Variants in SMAD2 observed in about 807,000 individuals in gnomAD.
SMAD2 encodes MAD homolog 2.
Under a neutral mutation model 64.4 loss-of-function variants are expected in SMAD2, and 8 were observed. The observed-to-expected ratio is 0.12, with a 90% CI of 0.07 to 0.22. SMAD2 has a LOEUF of 0.22. Among genes scored for constraint, SMAD2 ranks in the 10% least tolerant of loss-of-function variants. The probability of loss-of-function intolerance (pLI) is 1.00; values close to 1 mark genes in which losing one functional copy is unlikely to be tolerated. For synonymous variants in SMAD2, 203 were observed against 195.8 expected (o/e 1.04, Z -0.31); for missense variants, 289 against 561.2 (o/e 0.51, Z 4.90).
At chr18:47,870,246 A>T (rs1325401688) in intron 3 of SMAD2, among the ~76,000 whole-genome samples, 1 of 152,112 alleles carries the variant, frequency 6.6e-6, no homozygotes, top group East Asian at 1.9e-4. Flanking sequence ...TCTTTAGGGG[A>T]TACAGTAATT....
intron 7 of SMAD2, 76 bp from the exon 8 acceptor site, chr18:47,848,763 T>C: frequency 9.7e-7 from 1 of 1,031,770 alleles, no homozygotes; most frequent in Non-Finnish European, 1.4e-6. Flanking sequence ...AGATTTAATA[T>C]AATCATCTTT....
chr18:47,858,117 C>T (rs1037010820), intron 6 of SMAD2, among the ~76,000 whole-genome samples: 21 of 152,034 alleles, frequency 1.4e-4, no homozygotes, highest in African/African-American at 5.1e-4. Context: ...ACAACACCCA[C>T]TATCCAATTA....
chr18:47,847,494 C>T, intron 8 of SMAD2, among the ~76,000 whole-genome samples: 1 of 151,674 alleles, frequency 6.6e-6, no homozygotes, highest in South Asian at 2.1e-4. Flanking sequence ...CTGAGGACCC[C>T]AAAGAGCTTT....
At chr18:47,906,932 G>GATAATCCACCCA (rs2033928672) in intron 1 of SMAD2, among the ~76,000 whole-genome samples, 1 of 152,014 alleles carries the variant, frequency 6.6e-6, no homozygotes, top group Admixed American at 6.6e-5. Flanking sequence ...AGATAATCCA[G>GATAATCCACCCA]GATCATCTCT....
In SMAD2 at chr18:47,811,346, T is replaced by A. The variant is rs2144221248; in HGVS notation, c.*30481A>T. 6.6e-6 allele frequency: 1 copy of A among 151,888 alleles called. No homozygotes were observed. Among genetic ancestry groups the A allele is most frequent in the Non-Finnish European group, 1.5e-5 (1 of 68,068 alleles). The allele number at this position is 151,888 out of a possible 1,614,324, so 9.4% of individuals were successfully genotyped here. Reference sequence around the variant, plus strand: ...TTAGCCAGGCGTGGCGGCGTGCACCTATAGTCCCAGCTGCTGGGGAGGCTG... The same window carrying A: ...TTAGCCAGGCGTGGCGGCGTGCACCAATAGTCCCAGCTGCTGGGGAGGCTG... On this transcript the variant is annotated 3_prime_UTR_variant, in exon 11 of 11. Coordinates refer to ENST00000262160, the MANE Select transcript of SMAD2 (RefSeq NM_005901.6).
In SMAD2 at chr18:47,888,093, A is replaced by T. The variant is rs1404797648; in HGVS notation, c.236+8428T>A. ...TTTGGGGTAAATACCAGATTTGGTA[A>T]ATACCAGAACATTTCCTATTATAAC... is the stretch of plus-strand genomic sequence containing the variant. On this transcript the variant is annotated intron_variant, in intron 2 of 10. Coordinates refer to ENST00000262160, the MANE Select transcript of SMAD2 (RefSeq NM_005901.6). 3.3e-5 allele frequency among the ~76,000 whole-genome samples: 5 copies of T among 152,178 alleles called. 1 individual carries two copies. The highest frequency in any genetic ancestry group is 7.3e-5 in the Non-Finnish European group (5 of 68,038).
At position 47,841,825 on chromosome 18, in the gene SMAD2, C is replaced by T. The variant is rs1427996837; in HGVS notation, c.*2G>A. The T allele has an allele frequency of 1.2e-6, 2 of 1,614,112 alleles. No homozygotes were observed. Among genetic ancestry groups the T allele is most frequent in the Non-Finnish European group, 8.5e-7 (1 of 1,179,992 alleles). On this transcript the variant is annotated 3_prime_UTR_variant, in exon 11 of 11. Coordinates refer to ENST00000262160, the MANE Select transcript of SMAD2 (RefSeq NM_005901.6). ...TTTTCATGGGACTTGATTGGTGAAG[C>T]TTTATGACATGCTTGAGCAACGCAC...
In SMAD2 at chr18:47,826,409, A is replaced by G. The variant is rs1192193534; in HGVS notation, c.*15418T>C. The G allele has an allele frequency of 6.6e-6, 1 of 152,292 alleles. No homozygotes were observed. Among genetic ancestry groups the G allele is most frequent in the Non-Finnish European group, 1.5e-5 (1 of 68,058 alleles). The allele number at this position is 152,292 out of a possible 1,614,324, so 9.4% of individuals were successfully genotyped here. Reference sequence around the variant, plus strand: ...GTGCCTTTCCACACTGGGTTTAGCCATGTGGCTTGTTTCTGGTGAATGCTA... The same window carrying G: ...GTGCCTTTCCACACTGGGTTTAGCCGTGTGGCTTGTTTCTGGTGAATGCTA... On this transcript the variant is annotated 3_prime_UTR_variant, in exon 11 of 11. Coordinates refer to ENST00000262160, the MANE Select transcript of SMAD2 (RefSeq NM_005901.6).
chr18:47,828,376 G>A lies in SMAD2; in HGVS notation c.*13451C>T, dbSNP rs1289427392. On this transcript the variant is annotated 3_prime_UTR_variant, in exon 11 of 11. Coordinates refer to ENST00000262160, the MANE Select transcript of SMAD2 (RefSeq NM_005901.6). Reference sequence around the variant, plus strand: ...GGTGGGGGGGCGCCTCTGCCCAGCCGCCCCGTCTGGGAAGTGAGGAGCCCC... The same window carrying A: ...GGTGGGGGGGCGCCTCTGCCCAGCCACCCCGTCTGGGAAGTGAGGAGCCCC... 63 of 157,606 alleles carry A rather than the reference G, an allele frequency of 4.0e-4. No homozygotes were observed. The highest frequency in any genetic ancestry group is 4.9e-4 in the African/African-American group (20 of 40,680). 9.8% of individuals were successfully genotyped at this position (157,606 alleles called of 1,614,324 possible).
chr18:47,819,460 G>T lies in SMAD2; in HGVS notation c.*22367C>A, dbSNP rs1318436191. The T allele has an allele frequency of 6.6e-6, 1 of 152,164 alleles. No homozygotes were observed. The highest frequency in any genetic ancestry group is 2.4e-5 in the African/African-American group (1 of 41,444). The allele number at this position is 152,164 out of a possible 1,614,324, so 9.4% of individuals were successfully genotyped here. The stretch of plus-strand genomic sequence containing the variant: ...GGTTAACAGGAAAATAACTTGAAAT[G>T]ACTAGCTATGTCTAATATCTCAGTT... On this transcript the variant is annotated 3_prime_UTR_variant, in exon 11 of 11. Transcript: ENST00000262160.
intron 2 of SMAD2, among the ~76,000 whole-genome samples, chr18:47,871,605 C>T (rs1249022889): frequency 6.6e-6 from 1 of 152,106 alleles, no homozygotes; most frequent in Admixed American, 6.6e-5. Flanking sequence ...AGTGACCCGA[C>T]AGTTCAAAAC....
At position 47,840,665 on chromosome 18, in the gene SMAD2, G is replaced by A. The variant is rs932415014; in HGVS notation, c.*1162C>T. On this transcript the variant is annotated 3_prime_UTR_variant, in exon 11 of 11. Transcript: ENST00000262160. ...GCATCACTTTTCTAGGTATTTTGCA[G>A]AAACAATTACATTTACAAAAGGCCC... is the stretch of plus-strand genomic sequence containing the variant. The A allele has an allele frequency of 1.7e-5, 4 of 231,312 alleles. No homozygotes were observed. Among genetic ancestry groups the A allele is most frequent in the Non-Finnish European group, 3.4e-5 (4 of 116,972 alleles). The allele number at this position is 231,312 out of a possible 1,614,324, so 14.3% of individuals were successfully genotyped here. A position where few individuals can be genotyped will look rare whatever the true frequency, so the allele number is the denominator to read the frequency against.
intron 1 of SMAD2, chr18:47,922,667 A>AG (rs1765599209): frequency 6.6e-6 from 1 of 152,368 alleles, no homozygotes; most frequent in Non-Finnish European, 1.5e-5. Flanking sequence ...TACAAGGCAG[A>AG]GAAAAAAACA....
Position 47,837,118 on chromosome 18 carries a change from C to A in SMAD2, c.*4709G>T, listed in dbSNP as rs114829999. The A allele has an allele frequency of 1.2e-3, 245 of 202,300 alleles. No homozygotes were observed. Among genetic ancestry groups the A allele is most frequent in the African/African-American group, 5.4e-3 (236 of 43,720 alleles). The allele number at this position is 202,300 out of a possible 1,614,324, so 12.5% of individuals were successfully genotyped here. ...GCCAGTCACAAAGACATTTACTGAA[C>A]AGAATTTTTGAGCCATTTGTAAAAT... On this transcript the variant is annotated 3_prime_UTR_variant, in exon 11 of 11. Transcript: ENST00000262160.
rs1207774329 is a variant in SMAD2, at chr18:47,848,120, AAAAAC to A, written c.997+350_997+354del. On this transcript the variant is annotated intron_variant, in intron 8 of 10. Coordinates refer to ENST00000262160, the MANE Select transcript of SMAD2 (RefSeq NM_005901.6). ...CTATATAAAGAAACTGAAAAAAAAC[AAAAAC>A]AAAACAAAACAAAAAAACATGATTT... Among the ~76,000 whole-genome samples, 5 of 151,604 alleles carry A rather than the reference AAAAAC, an allele frequency of 3.3e-5. No individual in the cohort carries two copies. In the East Asian group the frequency reaches 5.8e-4, roughly 18 times the overall value.
chr18:47,828,782 A>C lies in SMAD2; in HGVS notation c.*13045T>G, dbSNP rs1296306835. On this transcript the variant is annotated 3_prime_UTR_variant, in exon 11 of 11. Transcript: ENST00000262160. ...ACTCCTTAATCTCAAGTACCCAGGG[A>C]CACAAACACTGCAGAAGGCCGCAGG... The C allele has an allele frequency of 5.5e-6, 1 of 181,770 alleles. No individual in the cohort carries two copies. The highest frequency in any genetic ancestry group is 1.1e-5 in the Non-Finnish European group (1 of 91,758). 11.3% of individuals were successfully genotyped at this position (181,770 alleles called of 1,614,324 possible).
intron 2 of SMAD2, among the ~76,000 whole-genome samples, chr18:47,884,118 T>A (rs1439546115): frequency 1.3e-5 from 2 of 152,210 alleles, no homozygotes; most frequent in Non-Finnish European, 2.9e-5. Context: ...CTTGGAAGCC[T>A]GCCATGCTCT....
chr18:47,889,547 G>A (rs565609462), intron 2 of SMAD2, among the ~76,000 whole-genome samples: 151 of 152,212 alleles, frequency 9.9e-4, no homozygotes, highest in African/African-American at 3.1e-3. Context: ...CGAGGTGGGC[G>A]GATCACGAGG....
chr18:47,885,340 A>G (rs996004470), intron 2 of SMAD2, among the ~76,000 whole-genome samples: 16 of 152,022 alleles, frequency 1.1e-4, no homozygotes, highest in African/African-American at 2.7e-4. Context: ...GCTAATTTTT[A>G]TATGTTTAAT....
Sources: allele counts gnomAD v4.1 joint callset (sites outside exome capture counted in the v4.1 genomes callset), GRCh38; gene constraint gnomAD v4.1.1; transcripts MANE v1.5; gene names NCBI Gene and HGNC (gene_info 2026-07-23, HGNC 2026-07-21).